Variants in FAM78B observed in about 807,000 individuals in gnomAD.
FAM78B encodes the protein family with sequence similarity 78 member B, also known as protein FAM78B.
A neutral mutation model predicts 20.0 loss-of-function variants in FAM78B; 10 were observed. That is an observed-to-expected ratio of 0.50 (90% confidence interval 0.31 to 0.85). FAM78B has a LOEUF of 0.85. Ranked by LOEUF, FAM78B falls within the 40% of genes least tolerant of loss-of-function variation. The pLI, the probability that FAM78B is intolerant of heterozygous loss-of-function variation, is 0.05. For missense variants in FAM78B, 283 were observed against 345.0 expected (o/e 0.82, Z 1.42); for synonymous variants, 135 against 132.8 (o/e 1.02, Z -0.12).
At chr1:166,109,874 A>ATATATATGTATATATATATATG in intron 1 of FAM78B, among the ~76,000 whole-genome samples, 1 of 17,808 alleles carries the variant, frequency 5.6e-5, no homozygotes, top group Middle Eastern at 0.021. Flanking sequence ...ATGTGTATAT[A>ATATATATGTATATATATATATG]TATATATGTA....
At chr1:166,142,185 G>A (rs1384245641) in intron 1 of FAM78B, among the ~76,000 whole-genome samples, 1 of 152,194 alleles carries the variant, frequency 6.6e-6, no homozygotes, top group Non-Finnish European at 1.5e-5. Context: ...ATTATGCAAT[G>A]GAAAACCATT....
intron 1 of FAM78B, among the ~76,000 whole-genome samples, chr1:166,083,888 G>A (rs979466124): frequency 6.9e-6 from 1 of 145,270 alleles, no homozygotes; most frequent in African/African-American, 2.6e-5. Context: ...TCACAAATGA[G>A]AACTATTATT....
At chr1:166,089,936 A>T (rs1652997717) in intron 1 of FAM78B, among the ~76,000 whole-genome samples, 1 of 152,022 alleles carries the variant, frequency 6.6e-6, no homozygotes, top group Non-Finnish European at 1.5e-5. Flanking sequence ...ACTCCTCGAG[A>T]CTCAGCTCCC....
chr1:166,098,226 C>G (rs576529397), intron 1 of FAM78B, among the ~76,000 whole-genome samples: 1 of 152,284 alleles, frequency 6.6e-6, no homozygotes, highest in South Asian at 2.1e-4. Context: ...AGAATCTGAA[C>G]AATGGCCTTC....
In FAM78B at chr1:166,077,623, TAA is replaced by T. The variant is rs899317634; in HGVS notation, c.264-6862_264-6861del. Among the ~76,000 whole-genome samples, 4 of 141,694 alleles carry T rather than the reference TAA, an allele frequency of 2.8e-5. No individual in the cohort carries two copies. In the Admixed American group the frequency reaches 3.0e-4, roughly 11 times the overall value. The allele number at this position is 141,694 out of a possible 152,430, so 93.0% of individuals were successfully genotyped here. Reference sequence around the variant, plus strand: ...ATTATATATTTATATAAATTATATATAATACATATAATTATATATTTATATAT... The same window carrying T: ...ATTATATATTTATATAAATTATATATTACATATAATTATATATTTATATAT... On this transcript the variant is annotated intron_variant, in intron 1 of 1. Coordinates refer to ENST00000354422, the MANE Select transcript of FAM78B (RefSeq NM_001017961.5).
At chr1:166,088,741 C>G (rs370034307) in intron 1 of FAM78B, among the ~76,000 whole-genome samples, 1 of 152,094 alleles carries the variant, frequency 6.6e-6, no homozygotes, top group East Asian at 1.9e-4. Flanking sequence ...AGGACTGACC[C>G]GAAGTATTTG....
At chr1:166,110,980 AAGG>A (rs1654030123) in intron 1 of FAM78B, among the ~76,000 whole-genome samples, 1 of 152,182 alleles carries the variant, frequency 6.6e-6, no homozygotes, top group Non-Finnish European at 1.5e-5. Flanking sequence ...GGCAAATATG[AAGG>A]AGGATACAGG....
intron 1 of FAM78B, among the ~76,000 whole-genome samples, chr1:166,118,094 T>C (rs1275075992): frequency 6.6e-6 from 1 of 151,734 alleles, no homozygotes; most frequent in South Asian, 2.1e-4. Context: ...AGAAAGAAAA[T>C]GTGGAATGAA....
intron 1 of FAM78B, among the ~76,000 whole-genome samples, chr1:166,092,832 A>T (rs1448847964): frequency 6.6e-6 from 1 of 152,220 alleles, no homozygotes; most frequent in Admixed American, 6.5e-5. Context: ...TGCCATTCTA[A>T]TACACATTTT....
intron 1 of FAM78B, among the ~76,000 whole-genome samples, chr1:166,096,069 A>G (rs968808884): frequency 1.3e-5 from 2 of 152,212 alleles, no homozygotes; most frequent in African/African-American, 2.4e-5. Context: ...AAAAAAGATC[A>G]TCTAAGCAAC....
downstream of FAM78B, among the ~76,000 whole-genome samples, chr1:166,067,038 A>G (rs1319040648): frequency 1.3e-5 from 2 of 152,220 alleles, no homozygotes; most frequent in Non-Finnish European, 2.9e-5. Flanking sequence ...CTTTTACATA[A>G]TAGTAACAAG....
intron 1 of FAM78B, among the ~76,000 whole-genome samples, chr1:166,095,148 C>T (rs896318674): frequency 6.6e-6 from 1 of 152,150 alleles, no homozygotes; most frequent in Non-Finnish European, 1.5e-5. Context: ...CTGCTGACAA[C>T]CCTGCCCTCA....
chr1:166,158,130 A>AC (rs1441401649), intron 1 of FAM78B, among the ~76,000 whole-genome samples: 2 of 152,024 alleles, frequency 1.3e-5, no homozygotes, highest in African/African-American at 4.8e-5. Context: ...AGTTCAGAGA[A>AC]CCCCCTTCCT....
chr1:166,107,087 A>AG (rs1653817589), intron 1 of FAM78B, among the ~76,000 whole-genome samples: 1 of 152,182 alleles, frequency 6.6e-6, no homozygotes, highest in Admixed American at 6.6e-5. Flanking sequence ...TCACACCTCA[A>AG]GGAACTACAG....
At chr1:166,056,394 A>C (rs1468728855), downstream of FAM78B, among the ~76,000 whole-genome samples, 1 of 152,178 alleles carries the variant, frequency 6.6e-6, no homozygotes, top group Non-Finnish European at 1.5e-5. Context: ...TTGTGGAAAG[A>C]TCAGAGTGCA....
rs1651989661 is a variant in FAM78B, at chr1:166,070,638, T to G, written c.389A>C (p.Lys130Thr). 2 of 1,613,688 alleles carry G rather than the reference T, an allele frequency of 1.2e-6. No individual in the cohort carries two copies. Among genetic ancestry groups the G allele is most frequent in the African/African-American group, 2.7e-5 (2 of 74,940 alleles). Residue 130 changes from lysine (K) to threonine (T), a missense_variant, in exon 2 of 2, where the codon AAG becomes ACG. Physicochemically the swap from Lys to Thr is moderately conservative, Grantham distance 78. Transcript: ENST00000354422. Reference protein sequence around the residue: ...ETVTLVGPTNKISRFSVSMND... With the variant: ...ETVTLVGPTNTISRFSVSMND... ...CATGCTGACGGAGAACCTGGAGATCTTGTTGGTGGGGCCAACCAGGGTCAC... is the reference window on the plus strand; with the variant it reads ...CATGCTGACGGAGAACCTGGAGATCGTGTTGGTGGGGCCAACCAGGGTCAC...
rs925905758 is a variant in FAM78B, at chr1:166,166,760, C to G, written c.-512G>C. The G allele has an allele frequency of 6.7e-6, 1 of 149,928 alleles. No individual in the cohort carries two copies. Among genetic ancestry groups the G allele is most frequent in the Non-Finnish European group, 1.5e-5 (1 of 67,268 alleles). 9.3% of individuals were successfully genotyped at this position (149,928 alleles called of 1,614,324 possible). A position where few individuals can be genotyped will look rare whatever the true frequency, so the allele number is the denominator to read the frequency against. ...ATGAACCTCTGCACCACGGCTGCCC[C>G]CCGCGTGCAGCGCACCCAGCGGCGG... On this transcript the variant is annotated 5_prime_UTR_variant, in exon 1 of 2. Coordinates refer to ENST00000354422, the MANE Select transcript of FAM78B (RefSeq NM_001017961.5).
chr1:166,157,238 C>G (rs1218884485), intron 1 of FAM78B, among the ~76,000 whole-genome samples: 5 of 151,978 alleles, frequency 3.3e-5, no homozygotes, highest in Non-Finnish European at 7.4e-5. Context: ...ACAGCCACAA[C>G]CTCCCTGTTC....
At chr1:166,057,334 G>C (rs534112270), downstream of FAM78B, 18 of 152,312 alleles carry the variant, frequency 1.2e-4, no homozygotes, top group African/African-American at 4.3e-4. Flanking sequence ...CCCTCTGTAT[G>C]TTCCAGAGCT....
Sources: gnomAD v4.1 joint callset for allele counts (sites outside exome capture counted in the v4.1 genomes callset) on GRCh38, gnomAD v4.1.1 for gene constraint, MANE v1.5 for transcripts, NCBI Gene and HGNC (gene_info 2026-07-23, HGNC 2026-07-21) for gene names.